Variants in LRPPRC observed in about 807,000 individuals in gnomAD.
LRPPRC encodes leucine-rich PPR motif-containing protein, mitochondrial.
LRPPRC carries 120 observed loss-of-function variants against 180.3 expected under a neutral mutation model. That is an observed-to-expected ratio of 0.67 (90% CI 0.57 to 0.77). LRPPRC has a LOEUF of 0.77. Ranked by LOEUF, LRPPRC falls within the 30% of genes least tolerant of loss-of-function variation. The pLI is 0.00. For synonymous variants in LRPPRC, 723 were observed against 600.0 expected (o/e 1.21, Z -3.00); for missense variants, 2,012 against 1,657.2 (o/e 1.21, Z -3.72).
intron 19 of LRPPRC, 102 bp downstream of exon 19, chr2:43,947,629 G>A: frequency 1.3e-6 from 1 of 796,390 alleles, no homozygotes; most frequent in Admixed American, 1.9e-5. Context: ...TATACAAGAT[G>A]ATAAAAATGT....
intron 11 of LRPPRC, among the ~76,000 whole-genome samples, chr2:43,972,603 A>C (rs572698635): frequency 3.3e-5 from 5 of 152,340 alleles, no homozygotes; most frequent in Non-Finnish European, 7.3e-5. Flanking sequence ...GGATATACAA[A>C]GAGTTAATCA....
intron 29 of LRPPRC, among the ~76,000 whole-genome samples, chr2:43,913,279 A>G (rs539027334): frequency 5.0e-4 from 76 of 152,302 alleles, no homozygotes; most frequent in African/African-American, 1.8e-3. Flanking sequence ...ACTTTTCTGA[A>G]ATAAAACTGC....
intron 14 of LRPPRC, among the ~76,000 whole-genome samples, chr2:43,951,706 G>A (rs1672909348): frequency 6.6e-6 from 1 of 152,064 alleles, no homozygotes; most frequent in South Asian, 2.1e-4. Flanking sequence ...TGGGGGATGG[G>A]TACATGGCAG....
At chr2:43,985,568 T>A (rs1000568767) in intron 1 of LRPPRC, among the ~76,000 whole-genome samples, 3 of 152,220 alleles carry the variant, frequency 2.0e-5, no homozygotes, top group Non-Finnish European at 4.4e-5. Flanking sequence ...GAATGTCATA[T>A]AGTTGCATCA....
At chr2:43,912,634 CAAA>C (rs1671306683) in intron 29 of LRPPRC, 76 bp from the exon 30 acceptor site, 2 of 1,327,110 alleles carry the variant, frequency 1.5e-6, no homozygotes, top group Admixed American at 3.5e-5. Context: ...AATCCTGAAA[CAAA>C]GACCTAAACC....
In LRPPRC at chr2:43,932,062, G is replaced by A. The variant is rs184641257; in HGVS notation, c.2736+2128C>T. On this transcript the variant is annotated intron_variant, in intron 25 of 37. Transcript: ENST00000260665. ...GGATTGCTTGTGCCCAGGAGATCAA[G>A]GCTGCAGTAAGCTAAGCCACCACTG... 2.7e-4 allele frequency among the ~76,000 whole-genome samples: 37 copies of A among 134,856 alleles called. 1 individual carries two copies. Among genetic ancestry groups the A allele is most frequent in the African/African-American group, 1.1e-3 (37 of 35,140 alleles). 88.5% of individuals were successfully genotyped at this position (134,856 alleles called of 152,430 possible).
At chr2:43,951,805 C>A (rs1285688061) in intron 14 of LRPPRC, among the ~76,000 whole-genome samples, 1 of 150,452 alleles carries the variant, frequency 6.6e-6, no homozygotes, top group Non-Finnish European at 1.5e-5. Context: ...TATTTTAACT[C>A]TCAACATTAG....
At chr2:43,940,465 T>A (rs762914792) in intron 23 of LRPPRC, among the ~76,000 whole-genome samples, 1 of 152,230 alleles carries the variant, frequency 6.6e-6, no homozygotes, top group Non-Finnish European at 1.5e-5. Flanking sequence ...AACTCAAGAT[T>A]AATTCAGCAA....
intron 31 of LRPPRC, chr2:43,903,668 G>T (rs949811924): frequency 6.6e-6 from 1 of 152,128 alleles, no homozygotes; most frequent in Non-Finnish European, 1.5e-5. Flanking sequence ...CAGCTCAGAA[G>T]AGTAGATGAG....
At chr2:43,966,904 T>G (rs1297272029) in intron 11 of LRPPRC, among the ~76,000 whole-genome samples, 1 of 150,666 alleles carries the variant, frequency 6.6e-6, no homozygotes, top group Non-Finnish European at 1.5e-5. Flanking sequence ...TATAAAAATT[T>G]GCTGGGTGTG....
At position 43,979,914 on chromosome 2, in the gene LRPPRC, T is replaced by A. The variant is rs930518067; in HGVS notation, c.381A>T (p.Leu127=). ...CAGGCAAGAGAGAACCACAACTACG[T>A]AGTAGAAGCAAGGCATGACTACCAC... ...GLGGSHALLL[L]RSCGSLLPEL... is the part of the protein sequence containing the mutation. The change falls in exon 3 of 38, where the codon CTA becomes CTT. Residue 127 remains leucine, a synonymous_variant. Transcript: ENST00000260665. The A allele has an allele frequency of 1.2e-6, 2 of 1,613,734 alleles. No homozygotes were observed. The highest frequency in any genetic ancestry group is 1.7e-6 in the Non-Finnish European group (2 of 1,179,802).
chr2:43,976,845 G>A (rs1674078973), intron 5 of LRPPRC, 149 bp downstream of exon 5: 2 of 647,702 alleles, frequency 3.1e-6, no homozygotes, highest in Non-Finnish European at 5.4e-6. Context: ...TATATTTTAT[G>A]TAAGTCAGAT....
intron 37 of LRPPRC, among the ~76,000 whole-genome samples, 172 bp downstream of exon 37, chr2:43,889,562 C>T (rs376339431): frequency 2.6e-5 from 4 of 151,914 alleles, no homozygotes; most frequent in Non-Finnish European, 4.4e-5. Flanking sequence ...CTATGTTCTC[C>T]GACTGCCGCA....
At chr2:43,966,447 G>C (rs1673563680) in intron 11 of LRPPRC, among the ~76,000 whole-genome samples, 1 of 149,508 alleles carries the variant, frequency 6.7e-6, no homozygotes, top group East Asian at 2.0e-4. Context: ...TTTCGCTCTT[G>C]TTGTGCAAGC....
intron 6 of LRPPRC, among the ~76,000 whole-genome samples, 174 bp downstream of exon 6, chr2:43,975,968 AC>A (rs1248969272): frequency 6.6e-6 from 1 of 152,220 alleles, no homozygotes; most frequent in Non-Finnish European, 1.5e-5. Context: ...AGTATGCTCT[AC>A]CTCATATACT....
At chr2:43,957,838 C>T (rs145743238) in intron 13 of LRPPRC, among the ~76,000 whole-genome samples, 114 of 152,258 alleles carry the variant, frequency 7.5e-4, no homozygotes, top group African/African-American at 2.7e-3. Flanking sequence ...TCTTTAAAGA[C>T]AGCACATGAG....
At chr2:43,906,188 G>T (rs1431599879) in intron 30 of LRPPRC, among the ~76,000 whole-genome samples, 2 of 151,766 alleles carry the variant, frequency 1.3e-5, no homozygotes, top group Non-Finnish European at 2.9e-5. Context: ...CTAAAATGAG[G>T]ATTTATTTTC....
chr2:43,899,604 T>C lies in LRPPRC; in HGVS notation c.3571A>G (p.Asn1191Asp). The change falls in exon 33 of 38, where the codon AAT becomes GAT. Residue 1191 changes from asparagine (N) to aspartate (D), a missense_variant and splice_region_variant. Asn to Asp is a conservative substitution (Grantham distance 23, BLOSUM62 1). Transcript: ENST00000260665. Reference sequence around the variant, plus strand: ...TTTTCTATTGCGGCATCTATGTTATTACTGTTAAAAGCAAAATAAATTACT... The same window carrying C: ...TTTTCTATTGCGGCATCTATGTTATCACTGTTAAAAGCAAAATAAATTACT... ...NNIALAQIKNNNIDAAIENIE... is the reference protein window; with the variant it reads ...NNIALAQIKNDNIDAAIENIE... 3 of 1,605,578 alleles carry C rather than the reference T, an allele frequency of 1.9e-6. No homozygotes were observed. Among genetic ancestry groups the C allele is most frequent in the East Asian group, 2.2e-5 (1 of 44,812 alleles).
At position 43,957,257 on chromosome 2, in the gene LRPPRC, T is replaced by A. The variant is rs950235904; in HGVS notation, c.1649+128A>T. ...AAAGAAAAAATTAAACAAGCAAAGG[T>A]TATTTCAGGTAAACTGAATGTACAC... is the stretch of plus-strand genomic sequence containing the variant. On this transcript the variant is annotated intron_variant, in intron 14 of 37. Transcript: ENST00000260665. The A allele has an allele frequency of 4.7e-5, 35 of 751,984 alleles. 2 individuals carry two copies. Among genetic ancestry groups the A allele is most frequent in the South Asian group, 4.5e-4 (30 of 66,412 alleles). The allele number at this position is 751,984 out of a possible 1,614,324, so 46.6% of individuals were successfully genotyped here. A position where few individuals can be genotyped will look rare whatever the true frequency, so the allele number is the denominator to read the frequency against.
Sources: gnomAD v4.1 joint callset for allele counts (sites outside exome capture counted in the v4.1 genomes callset) on GRCh38, gnomAD v4.1.1 for gene constraint, MANE v1.5 for transcripts, NCBI Gene and HGNC (gene_info 2026-07-23, HGNC 2026-07-21) for gene names.